Variants in DLC1 observed in about 807,000 individuals in gnomAD.
The protein encoded by DLC1 is DLC1 Rho GTPase activating protein.
Under a neutral mutation model 140.3 loss-of-function variants are expected in DLC1, and 54 were observed. That is an observed-to-expected ratio of 0.38 (90% confidence interval 0.31 to 0.48). DLC1 has a LOEUF of 0.48. Ranked by LOEUF, DLC1 falls within the 20% of genes least tolerant of loss-of-function variation. DLC1 has a pLI of 0.96. For synonymous variants in DLC1, 986 were observed against 728.1 expected (o/e 1.35, Z -5.70); for missense variants, 2,536 against 1,907.0 (o/e 1.33, Z -6.14).
At chr8:13,586,161 AG>A (rs1212169374) in intron 1 of DLC1, among the ~76,000 whole-genome samples, 4 of 152,172 alleles carry the variant, frequency 2.6e-5, no homozygotes, top group African/African-American at 9.7e-5. Flanking sequence ...GTTGTATAAA[AG>A]CTTCTCAAGT....
intron 2 of DLC1, among the ~76,000 whole-genome samples, chr8:13,495,562 T>C (rs1801462358): frequency 6.6e-6 from 1 of 152,198 alleles, no homozygotes; most frequent in Non-Finnish European, 1.5e-5. Flanking sequence ...AGAGGAATTA[T>C]TGGCTTAAAA....
chr8:13,374,849 T>C (rs1253527911), intron 4 of DLC1, among the ~76,000 whole-genome samples: 2 of 152,146 alleles, frequency 1.3e-5, no homozygotes, highest in East Asian at 3.9e-4. Flanking sequence ...CATTCATTTG[T>C]TTGTGTTCTC....
At chr8:13,127,091 T>C (rs1821645467) in intron 5 of DLC1, among the ~76,000 whole-genome samples, 1 of 152,226 alleles carries the variant, frequency 6.6e-6, no homozygotes, top group Non-Finnish European at 1.5e-5. Flanking sequence ...TTCTCAGTTT[T>C]GTGCCAAAAA....
intron 2 of DLC1, among the ~76,000 whole-genome samples, chr8:13,415,401 ATTT>A (rs34742397): frequency 4.3e-5 from 6 of 139,298 alleles, no homozygotes; most frequent in African/African-American, 2.7e-5. Flanking sequence ...AAAATATTTA[ATTT>A]TTTTTTTTTT....
Position 13,142,010 on chromosome 8 carries a change from C to T in DLC1, c.1349-26353G>A, listed in dbSNP as rs565430288. The stretch of plus-strand genomic sequence containing the variant: ...TGATTGGATTACGGGGGTGGTTTCT[C>T]CATGCTGTTCTCGTGATAGTGAGTG... On this transcript the variant is annotated intron_variant, in intron 5 of 17. Coordinates refer to ENST00000276297, the MANE Select transcript of DLC1 (RefSeq NM_182643.3). 8.5e-5 allele frequency among the ~76,000 whole-genome samples: 13 copies of T among 152,282 alleles called. No homozygotes were observed. In the East Asian group the frequency reaches 2.5e-3, roughly 29 times the overall value.
chr8:13,567,941 A>G (rs1804512699), intron 1 of DLC1: 9 of 1,545,614 alleles, frequency 5.8e-6, no homozygotes, highest in Non-Finnish European at 7.9e-6. Flanking sequence ...ATTGTTAATG[A>G]TAATGTGTAA....
rs369096464 is a variant in DLC1, at chr8:13,393,814, T to C, written c.1174-121A>G. The C allele has an allele frequency of 8.3e-6, 10 of 1,199,332 alleles. No homozygotes were observed. In the African/African-American group the frequency reaches 1.1e-4, roughly 13 times the overall value. 74.3% of individuals were successfully genotyped at this position (1,199,332 alleles called of 1,614,324 possible). A position where few individuals can be genotyped will look rare whatever the true frequency, so the allele number is the denominator to read the frequency against. ...CAGTGCACACTGATACACTAAAGAG[T>C]TGCTGACAACTGACAGTGACGTGTC... On this transcript the variant is annotated intron_variant, in intron 3 of 17. Coordinates refer to ENST00000276297, the MANE Select transcript of DLC1 (RefSeq NM_182643.3).
intron 1 of DLC1, among the ~76,000 whole-genome samples, chr8:13,507,061 A>C (rs906316084): frequency 6.6e-6 from 1 of 152,202 alleles, no homozygotes; most frequent in Non-Finnish European, 1.5e-5. Flanking sequence ...TCACAGGAGC[A>C]CAACTTAATA....
At position 13,133,106 on chromosome 8, in the gene DLC1, TG is replaced by T. The variant is rs1470449266; in HGVS notation, c.1349-17450del. 5 of 1,481,838 alleles carry T rather than the reference TG, an allele frequency of 3.4e-6. No individual in the cohort carries two copies. In the African/African-American group the frequency reaches 7.1e-5, roughly 21 times the overall value. 91.8% of individuals were successfully genotyped at this position (1,481,838 alleles called of 1,614,324 possible). On this transcript the variant is annotated intron_variant, in intron 5 of 17. Transcript: ENST00000276297. ...GCCCTCGCGGTCCTCAACGCATCCT[TG>T]CTCGCCGCTCCCTGCCCCTCGTCAC...
intron 4 of DLC1, among the ~76,000 whole-genome samples, chr8:13,333,847 T>A (rs1334471914): frequency 6.6e-6 from 1 of 152,128 alleles, no homozygotes; most frequent in African/African-American, 2.4e-5. Context: ...CTTTAAAAGA[T>A]CTTAGCAAAC....
rs537433795 is a variant in DLC1, at chr8:13,088,828, T to C, written c.4075-124A>G. The C allele has an allele frequency of 1.3e-4, 89 of 711,540 alleles. No homozygotes were observed. The East Asian group carries it at 2.1e-3, about 16-fold the overall frequency. 44.1% of individuals were successfully genotyped at this position (711,540 alleles called of 1,614,324 possible). On this transcript the variant is annotated intron_variant, in intron 15 of 17. Coordinates refer to ENST00000276297, the MANE Select transcript of DLC1 (RefSeq NM_182643.3). ...ATCAACGTTAATTGATTAAATGATA[T>C]AAATAATACTATATAATCAGTATAT... is the stretch of plus-strand genomic sequence containing the variant.
At chr8:13,453,555 TA>T (rs1377077540) in intron 2 of DLC1, among the ~76,000 whole-genome samples, 373 of 36,166 alleles carry the variant, frequency 0.01, 42 homozygotes, top group Non-Finnish European at 0.013. Context: ...TATATATATA[TA>T]TTTTTTTTTT....
chr8:13,173,151 C>T (rs1367049178), intron 5 of DLC1, among the ~76,000 whole-genome samples: 2 of 152,036 alleles, frequency 1.3e-5, no homozygotes, highest in Admixed American at 6.6e-5. Flanking sequence ...AGTAGACAAA[C>T]GTTTGAGCCC....
At chr8:13,274,273 T>C (rs763314926) in intron 5 of DLC1, among the ~76,000 whole-genome samples, 81 of 152,206 alleles carry the variant, frequency 5.3e-4, no homozygotes, top group Non-Finnish European at 7.3e-4. Context: ...CTTCCAGCCA[T>C]GAGCCAAGAG....
intron 2 of DLC1, among the ~76,000 whole-genome samples, chr8:13,419,218 C>T (rs1253931620): frequency 2.0e-5 from 3 of 151,930 alleles, no homozygotes; most frequent in African/African-American, 7.3e-5. Flanking sequence ...CCTTCTCCTG[C>T]CTAATTGCCC....
intron 4 of DLC1, among the ~76,000 whole-genome samples, chr8:13,328,991 G>C (rs1263013087): frequency 1.3e-5 from 2 of 152,224 alleles, no homozygotes; most frequent in Non-Finnish European, 2.9e-5. Flanking sequence ...AGCTGGATCA[G>C]AGTGAGTTGA....
At chr8:13,235,908 C>G (rs1012947699) in intron 5 of DLC1, among the ~76,000 whole-genome samples, 1 of 151,690 alleles carries the variant, frequency 6.6e-6, no homozygotes, top group African/African-American at 2.4e-5. Context: ...AGATTGAAGA[C>G]TAGAGCTTTT....
intron 5 of DLC1, among the ~76,000 whole-genome samples, chr8:13,196,886 T>A (rs1827093039): frequency 6.6e-6 from 1 of 152,238 alleles, no homozygotes. Flanking sequence ...TGAATTTGAT[T>A]CTACTACTTC....
chr8:13,603,625 C>T (rs550326324), intron 1 of DLC1, among the ~76,000 whole-genome samples: 1 of 151,988 alleles, frequency 6.6e-6, no homozygotes, highest in African/African-American at 2.4e-5. Context: ...ATTTAAATCT[C>T]CCCAGTATAA....
Sources: allele counts gnomAD v4.1 joint callset (sites outside exome capture counted in the v4.1 genomes callset), GRCh38; gene constraint gnomAD v4.1.1; transcripts MANE v1.5; gene names NCBI Gene and HGNC (gene_info 2026-07-23, HGNC 2026-07-21).